Variants in TMEFF2 observed in about 807,000 individuals in gnomAD.
TMEFF2 encodes the protein transmembrane protein with EGF like and two follistatin like domains 2, also known as tomoregulin-2.
In TMEFF2, 28 loss-of-function variants were observed where a neutral mutation model predicts 53.8. That is an observed-to-expected ratio of 0.52 (90% CI 0.39 to 0.71). TMEFF2 has a LOEUF of 0.71. Ranked by LOEUF, TMEFF2 falls within the 30% of genes least tolerant of loss-of-function variation. The pLI, the probability that TMEFF2 is intolerant of heterozygous loss-of-function variation, is 0.00. For synonymous variants in TMEFF2, 162 were observed against 166.3 expected, an observed-to-expected ratio of 0.97 and a Z score of 0.20; for missense variants, 353 against 455.2, an observed-to-expected ratio of 0.78 and a Z score of 2.04.
At chr2:192,133,162 A>G (rs1201304768) in intron 4 of TMEFF2, among the ~76,000 whole-genome samples, 2 of 152,032 alleles carry the variant, frequency 1.3e-5, no homozygotes, top group African/African-American at 4.8e-5. Flanking sequence ...CCACCTGCCC[A>G]GTTCCCTTAT....
chr2:192,105,666 T>C (rs1283807402), intron 4 of TMEFF2, among the ~76,000 whole-genome samples: 1 of 151,970 alleles, frequency 6.6e-6, no homozygotes, highest in East Asian at 1.9e-4. Context: ...GAATTTGCAA[T>C]ACTAAGTCAT....
At chr2:192,016,004 C>A (rs1326303465) in intron 5 of TMEFF2, among the ~76,000 whole-genome samples, 3 of 152,132 alleles carry the variant, frequency 2.0e-5, no homozygotes, top group Non-Finnish European at 4.4e-5. Flanking sequence ...AAGGTCTGTA[C>A]AGAGATGTAT....
intron 4 of TMEFF2, chr2:192,177,135 T>C (rs1292847392): frequency 6.6e-6 from 1 of 151,296 alleles, no homozygotes; most frequent in Non-Finnish European, 1.5e-5. Flanking sequence ...GTTACAATTG[T>C]TGGATTAGCC....
At chr2:192,055,877 T>A (rs901163855) in intron 5 of TMEFF2, among the ~76,000 whole-genome samples, 1 of 150,934 alleles carries the variant, frequency 6.6e-6, no homozygotes, top group African/African-American at 2.4e-5. Flanking sequence ...GTGCATAGAC[T>A]CTCTCACTCG....
chr2:192,092,094 A>C (rs1688803655), intron 4 of TMEFF2, among the ~76,000 whole-genome samples: 1 of 152,158 alleles, frequency 6.6e-6, no homozygotes, highest in Admixed American at 6.6e-5. Context: ...TCAGTAACAA[A>C]AATAATATTT....
chr2:192,085,288 G>T (rs1688645458), intron 4 of TMEFF2, among the ~76,000 whole-genome samples: 1 of 152,106 alleles, frequency 6.6e-6, no homozygotes, highest in Non-Finnish European at 1.5e-5. Flanking sequence ...CTTTGGATAA[G>T]TTCCTTGAGC....
chr2:191,958,887 A>G (rs920175369), intron 7 of TMEFF2, among the ~76,000 whole-genome samples: 2 of 152,196 alleles, frequency 1.3e-5, no homozygotes, highest in Non-Finnish European at 2.9e-5. Context: ...CAACCAAGTA[A>G]ATCAGTTGAT....
At chr2:192,173,703 T>C (rs1054589710) in intron 4 of TMEFF2, among the ~76,000 whole-genome samples, 1 of 151,842 alleles carries the variant, frequency 6.6e-6, no homozygotes, top group Non-Finnish European at 1.5e-5. Context: ...GCATTTATCT[T>C]CTATTATGTG....
intron 7 of TMEFF2, among the ~76,000 whole-genome samples, chr2:191,982,276 T>G (rs1685870572): frequency 6.6e-6 from 1 of 152,042 alleles, no homozygotes; most frequent in Admixed American, 6.5e-5. Flanking sequence ...AGAGATTATC[T>G]ATCTAAGATC....
At chr2:192,182,349 C>T (rs1691207473) in intron 3 of TMEFF2, among the ~76,000 whole-genome samples, 1 of 151,796 alleles carries the variant, frequency 6.6e-6, no homozygotes, top group Admixed American at 6.6e-5. Flanking sequence ...TTTGTTCTCT[C>T]CGTCATTATT....
intron 7 of TMEFF2, among the ~76,000 whole-genome samples, chr2:191,975,940 T>G (rs971893476): frequency 2.6e-5 from 4 of 152,198 alleles, no homozygotes; most frequent in Non-Finnish European, 5.9e-5. Context: ...AATATGAGCA[T>G]GGAGAGCTTT....
At chr2:191,961,967 A>G (rs1312043226) in intron 7 of TMEFF2, among the ~76,000 whole-genome samples, 3 of 152,214 alleles carry the variant, frequency 2.0e-5, no homozygotes, top group Non-Finnish European at 2.9e-5. Flanking sequence ...TCAAATAAAA[A>G]TGCTAGTTAA....
intron 4 of TMEFF2, among the ~76,000 whole-genome samples, chr2:192,157,491 AAAAC>A (rs1482860544): frequency 6.6e-6 from 1 of 152,064 alleles, no homozygotes; most frequent in Non-Finnish European, 1.5e-5. Flanking sequence ...TTGTGACTAA[AAAAC>A]AAAATAGCTC....
chr2:191,995,212 A>G (rs1039487459), intron 7 of TMEFF2, among the ~76,000 whole-genome samples: 1 of 151,976 alleles, frequency 6.6e-6, no homozygotes, highest in Non-Finnish European at 1.5e-5. Context: ...GATACAATTA[A>G]TTTATTTTAA....
chr2:192,169,582 A>G (rs1179038522), intron 4 of TMEFF2, among the ~76,000 whole-genome samples: 3 of 152,122 alleles, frequency 2.0e-5, no homozygotes, highest in Non-Finnish European at 4.4e-5. Context: ...TATTCTATGT[A>G]AATATTCTGA....
At chr2:192,180,904 A>G (rs1238716649) in intron 3 of TMEFF2, among the ~76,000 whole-genome samples, 1 of 151,756 alleles carries the variant, frequency 6.6e-6, no homozygotes, top group Non-Finnish European at 1.5e-5. Context: ...CTAAATTTAT[A>G]GGGTCTAATA....
chr2:192,165,956 G>A (rs954997599), intron 4 of TMEFF2, among the ~76,000 whole-genome samples: 1 of 152,148 alleles, frequency 6.6e-6, no homozygotes, highest in Non-Finnish European at 1.5e-5. Context: ...ACATTATTCA[G>A]TGTAGTAGAT....
intron 7 of TMEFF2, among the ~76,000 whole-genome samples, chr2:191,971,551 G>C (rs964071662): frequency 3.3e-5 from 5 of 152,164 alleles, no homozygotes; most frequent in African/African-American, 1.2e-4. Context: ...CACAACTTTT[G>C]TTTCTTGATG....
rs144543858 is a variant in TMEFF2, at chr2:192,002,908, A to G, written c.537-3700T>C. Among the ~76,000 whole-genome samples, 27 of 152,290 alleles carry G rather than the reference A, an allele frequency of 1.8e-4. No individual in the cohort carries two copies. In the East Asian group the frequency reaches 5.2e-3, roughly 29 times the overall value. ...GTTGTGACTGGATTACCAAGGACCT[A>G]CCATTTCTATGTTTCCAAAAGACCA... is the stretch of plus-strand genomic sequence containing the variant. On this transcript the variant is annotated intron_variant, in intron 5 of 9. Transcript: ENST00000272771.
Sources: gnomAD v4.1 joint callset for allele counts (sites outside exome capture counted in the v4.1 genomes callset) on GRCh38, gnomAD v4.1.1 for gene constraint, MANE v1.5 for transcripts, NCBI Gene and HGNC (gene_info 2026-07-23, HGNC 2026-07-21) for gene names.